PCSK5: variants seen among roughly 807,000 people sequenced by gnomAD.
PCSK5 encodes the protein proprotein convertase subtilisin/kexin type 5, also known as prohormone convertase 5.
In PCSK5, 129 loss-of-function variants were observed where a neutral mutation model predicts 233.2. That is an observed-to-expected ratio of 0.55 (90% CI 0.48 to 0.64). PCSK5 has a LOEUF of 0.64. Among genes scored for constraint, PCSK5 ranks in the 30% least tolerant of loss-of-function variants. PCSK5 has a pLI of 0.00. For synonymous variants in PCSK5, 825 were observed against 879.2 expected (o/e 0.94, Z 1.09); for missense variants, 2,076 against 2,430.1 (o/e 0.85, Z 3.06).
At chr9:76,016,483 G>A (rs1296193483) in intron 3 of PCSK5, among the ~76,000 whole-genome samples, 10 of 152,176 alleles carry the variant, frequency 6.6e-5, no homozygotes. Flanking sequence ...TGAGATTGGT[G>A]TGAACCCTGG....
chr9:76,313,709 T>C (rs181083049), intron 30 of PCSK5, among the ~76,000 whole-genome samples: 187 of 152,190 alleles, frequency 1.2e-3, no homozygotes, highest in Non-Finnish European at 1.5e-3. Context: ...AGACAAAACA[T>C]GTTTTTTTCT....
At chr9:76,241,566 C>T (rs1158298474) in intron 24 of PCSK5, among the ~76,000 whole-genome samples, 1 of 152,226 alleles carries the variant, frequency 6.6e-6, no homozygotes, top group East Asian at 1.9e-4. Context: ...GCACTTGTCA[C>T]TCTCACATGT....
chr9:75,897,429 T>A (rs533995633), intron 1 of PCSK5, among the ~76,000 whole-genome samples: 255 of 151,546 alleles, frequency 1.7e-3, no homozygotes, highest in African/African-American at 6.1e-3. Context: ...CATCTCCTGT[T>A]GGACAGCCCT....
intron 8 of PCSK5, among the ~76,000 whole-genome samples, chr9:76,105,959 C>T (rs1392640336): frequency 6.6e-6 from 1 of 152,182 alleles, no homozygotes; most frequent in African/African-American, 2.4e-5. Flanking sequence ...ATTCATGTGA[C>T]ATAGAATAAA....
At chr9:76,071,675 T>G (rs1564009238) in intron 6 of PCSK5, 51 bp from the exon 7 acceptor site, 1 of 1,442,128 alleles carries the variant, frequency 6.9e-7, no homozygotes, top group Non-Finnish European at 9.5e-7. Flanking sequence ...GTTCTTTGAG[T>G]GTTGTGTAGG....
chr9:76,090,304 T>C (rs192624626), intron 7 of PCSK5, among the ~76,000 whole-genome samples: 59 of 152,322 alleles, frequency 3.9e-4, no homozygotes, highest in African/African-American at 1.3e-3. Flanking sequence ...TTTTAATTTT[T>C]TTCCCACATA....
chr9:76,193,746 C>T (rs1824544209), intron 20 of PCSK5: 1 of 161,232 alleles, frequency 6.2e-6, no homozygotes, highest in South Asian at 1.8e-4. Flanking sequence ...CTTTGAAACA[C>T]CTAAAAATAC....
chr9:76,171,226 C>T (rs1460608708), intron 13 of PCSK5, among the ~76,000 whole-genome samples: 1 of 152,200 alleles, frequency 6.6e-6, no homozygotes, highest in Non-Finnish European at 1.5e-5. Context: ...TCTCTCCTTT[C>T]TTCCTCTTTG....
At chr9:76,228,947 G>C (rs968344079) in intron 21 of PCSK5, among the ~76,000 whole-genome samples, 7 of 152,134 alleles carry the variant, frequency 4.6e-5, no homozygotes, top group Non-Finnish European at 7.3e-5. Context: ...ACTTGATGAA[G>C]TGTGGAATCA....
intron 1 of PCSK5, among the ~76,000 whole-genome samples, chr9:75,897,002 T>C (rs1825835809): frequency 6.6e-6 from 1 of 152,190 alleles, no homozygotes; most frequent in Non-Finnish European, 1.5e-5. Context: ...GAGTCAGGTT[T>C]GAGTGAAATT....
At chr9:76,257,558 C>T (rs1827024335) in intron 24 of PCSK5, among the ~76,000 whole-genome samples, 2 of 152,202 alleles carry the variant, frequency 1.3e-5, no homozygotes, top group African/African-American at 4.8e-5. Context: ...TCTGCACCTC[C>T]CACCAGGGAA....
chr9:76,273,564 A>AATATATATATATATAT lies in PCSK5; in HGVS notation c.3143-18658_3143-18657insTATATATATATATATA, dbSNP rs1336491411. Among the ~76,000 whole-genome samples, 174 of 74,748 alleles carry AATATATATATATATAT rather than the reference A, an allele frequency of 2.3e-3. 4 individuals are homozygous for AATATATATATATATAT. Among genetic ancestry groups the AATATATATATATATAT allele is most frequent in the East Asian group, 0.014 (35 of 2,558 alleles). The allele number at this position is 74,748 out of a possible 152,430, so 49.0% of individuals were successfully genotyped here. A position where few individuals can be genotyped will look rare whatever the true frequency, so the allele number is the denominator to read the frequency against. ...TCTTCTTATAGATTAACAAAATAGT[A>AATATATATATATATAT]ATATATATATACATATATATATATA... On this transcript the variant is annotated intron_variant, in intron 24 of 37. Transcript: ENST00000674117.
At chr9:76,311,387 T>G (rs761407576) in intron 30 of PCSK5, among the ~76,000 whole-genome samples, 3 of 152,066 alleles carry the variant, frequency 2.0e-5, no homozygotes, top group Non-Finnish European at 4.4e-5. Flanking sequence ...CACCTTATAT[T>G]AATGATCAAC....
At chr9:76,050,357 A>G (rs948361373) in intron 5 of PCSK5, among the ~76,000 whole-genome samples, 38 of 152,198 alleles carry the variant, frequency 2.5e-4, no homozygotes, top group African/African-American at 8.2e-4. Context: ...AAATATATAT[A>G]TGGAAAGAAA....
intron 3 of PCSK5, among the ~76,000 whole-genome samples, chr9:75,987,877 A>G (rs1826591883): frequency 6.6e-6 from 1 of 152,190 alleles, no homozygotes. Flanking sequence ...CCAGGGTGAG[A>G]GAGACCCTTT....
At chr9:76,227,431 T>C in intron 20 of PCSK5, 72 bp from the exon 21 acceptor site, 1 of 1,033,888 alleles carries the variant, frequency 9.7e-7, no homozygotes, top group Non-Finnish European at 1.5e-6. Context: ...GAGATCTGGC[T>C]GCTCTCAGAC....
At chr9:75,946,269 G>C (rs978331864) in intron 2 of PCSK5, among the ~76,000 whole-genome samples, 1 of 152,198 alleles carries the variant, frequency 6.6e-6, no homozygotes, top group Admixed American at 6.5e-5. Flanking sequence ...AGACATTAGA[G>C]CAACTGGTTG....
At chr9:75,902,072 G>A (rs1335462166) in intron 1 of PCSK5, among the ~76,000 whole-genome samples, 6 of 151,648 alleles carry the variant, frequency 4.0e-5, no homozygotes, top group South Asian at 2.1e-4. Context: ...AAAAATTAGC[G>A]GGGTGTGGTG....
At chr9:76,119,557 A>C (rs1005277116) in intron 9 of PCSK5, among the ~76,000 whole-genome samples, 4 of 152,112 alleles carry the variant, frequency 2.6e-5, no homozygotes, top group African/African-American at 9.6e-5. Flanking sequence ...AAAAAGCCTC[A>C]GGCTAGGAAG....
Sources: allele counts gnomAD v4.1 joint callset (sites outside exome capture counted in the v4.1 genomes callset), GRCh38; gene constraint gnomAD v4.1.1; transcripts MANE v1.5; gene names NCBI Gene and HGNC (gene_info 2026-07-23, HGNC 2026-07-21).